The following SHROOM3 variants were observed in gnomAD, a reference collection of about 807,000 sequenced individuals.
SHROOM3 encodes protein Shroom3.
In SHROOM3, 47 loss-of-function variants were observed where a neutral mutation model predicts 138.6. The ratio of observed to expected loss-of-function variants is 0.34; its 90% confidence interval spans 0.27 to 0.43. The LOEUF is 0.43. Ranked by LOEUF, SHROOM3 falls within the 20% of genes least tolerant of loss-of-function variation. SHROOM3 has a pLI of 1.00. For missense variants in SHROOM3, 2,491 were observed against 2,596.5 expected (o/e 0.96, Z 0.88); for synonymous variants, 1,062 against 1,063.3 (o/e 1.00, Z 0.02).
At chr4:76,602,548 A>C (rs979280581) in intron 2 of SHROOM3, among the ~76,000 whole-genome samples, 2 of 152,198 alleles carry the variant, frequency 1.3e-5, no homozygotes, top group Non-Finnish European at 2.9e-5. Flanking sequence ...TACTAGTGGC[A>C]ATATATTGAT....
intron 4 of SHROOM3, among the ~76,000 whole-genome samples, chr4:76,737,077 T>C (rs964225433): frequency 6.6e-6 from 1 of 152,192 alleles, no homozygotes; most frequent in Non-Finnish European, 1.5e-5. Flanking sequence ...GCTCGCCCAT[T>C]CCTCCTTGCA....
Position 76,756,622 on chromosome 4 carries a change from TTGG to T in SHROOM3, c.4887_4889del (p.Gly1630del). On this transcript the variant is annotated inframe_deletion, in exon 8 of 11. Transcript: ENST00000296043. ...GTTCACGCCCAACTTGCTGGGTCTC[TTGG>T]TGGGCAGCCAGCACCCATCCAGACT... 1 of 1,613,992 alleles carries T rather than the reference TTGG, an allele frequency of 6.2e-7. No homozygotes were observed.
intron 2 of SHROOM3, among the ~76,000 whole-genome samples, chr4:76,560,619 T>C (rs1309078045): frequency 6.6e-6 from 1 of 152,240 alleles, no homozygotes; most frequent in Non-Finnish European, 1.5e-5. Flanking sequence ...GGAGGTGCTA[T>C]TTTTGCCAAA....
rs1178156091 is a variant in SHROOM3 at position 76,756,878 on chromosome 4, C to T, written c.5139C>T (p.Asn1713=). ...FPRDVNLLKE[N]SVKRKAIQRT... ...GAGATGTGAACTTGCTGAAGGAAAA[C>T]AGTGTAAAGAGGAAGGCCATACAGA... is the stretch of plus-strand genomic sequence containing the variant. The change falls in exon 8 of 11, where the codon AAC becomes AAT. Residue 1713 remains asparagine, a synonymous_variant. Transcript: ENST00000296043. The T allele has an allele frequency of 1.2e-6, 2 of 1,613,924 alleles. No homozygotes were observed. The highest frequency in any genetic ancestry group is 2.7e-5 in the African/African-American group (2 of 74,880).
intron 2 of SHROOM3, among the ~76,000 whole-genome samples, chr4:76,627,012 C>T (rs1735165288): frequency 6.6e-6 from 1 of 152,120 alleles, no homozygotes; most frequent in South Asian, 2.1e-4. Flanking sequence ...GGGAGTCTTC[C>T]TATGTCCAAA....
At chr4:76,489,977 C>A (rs1731816618) in intron 1 of SHROOM3, among the ~76,000 whole-genome samples, 1 of 152,174 alleles carries the variant, frequency 6.6e-6, no homozygotes, top group Admixed American at 6.5e-5. Context: ...GGCTGAGCAG[C>A]AGCTCAAGGG....
chr4:76,740,723 C>A lies in SHROOM3; in HGVS notation c.2550C>A (p.Asn850Lys), dbSNP rs377561640. 6.2e-7 allele frequency: 1 copy of A among 1,613,564 alleles called. No individual in the cohort carries two copies. Among genetic ancestry groups the A allele is most frequent in the South Asian group, 1.1e-5 (1 of 91,080 alleles). ...PLGNGEQHFKNGELKLEEASR... is the reference protein window; with the variant it reads ...PLGNGEQHFKKGELKLEEASR... Reference sequence around the variant, plus strand: ...GCAACGGGGAGCAGCACTTCAAAAACGGGGAGCTGAAGTTGGAAGAGGCTT... The same window carrying A: ...GCAACGGGGAGCAGCACTTCAAAAAAGGGGAGCTGAAGTTGGAAGAGGCTT... The change falls in exon 5 of 11, where the codon AAC (asparagine) becomes AAA (lysine). Residue 850 changes from asparagine to lysine, a missense_variant. Asn to Lys is a moderately conservative substitution (Grantham distance 94). Transcript: ENST00000296043. This position sits in a 1 kb window ranked among gnomAD's most constrained non-coding sequence, Gnocchi z 4.0.
intron 1 of SHROOM3, among the ~76,000 whole-genome samples, chr4:76,544,642 C>T (rs1248570259): frequency 1.3e-5 from 2 of 152,058 alleles, no homozygotes; most frequent in Non-Finnish European, 2.9e-5. Flanking sequence ...AGTGATCTGC[C>T]CACCTCAGCC....
chr4:76,489,084 C>A (rs1731796246), intron 1 of SHROOM3, among the ~76,000 whole-genome samples: 1 of 152,180 alleles, frequency 6.6e-6, no homozygotes, highest in South Asian at 2.1e-4. Flanking sequence ...TCCCTGCCAG[C>A]ACTTTGCCAA....
At chr4:76,635,003 C>T (rs1044984504) in intron 2 of SHROOM3, among the ~76,000 whole-genome samples, 12 of 152,164 alleles carry the variant, frequency 7.9e-5, no homozygotes, top group African/African-American at 2.7e-4. Flanking sequence ...TTATTGAGCA[C>T]CTACTGTGTG....
chr4:76,582,860 A>G (rs1184003784), intron 2 of SHROOM3, among the ~76,000 whole-genome samples: 2 of 152,136 alleles, frequency 1.3e-5, no homozygotes, highest in Non-Finnish European at 2.9e-5. Flanking sequence ...AGGGAAAGCA[A>G]TGTCCCCTCC....
chr4:76,601,156 TG>T (rs1305419620), intron 2 of SHROOM3, among the ~76,000 whole-genome samples: 1 of 152,196 alleles, frequency 6.6e-6, no homozygotes, highest in Non-Finnish European at 1.5e-5. Context: ...TAAAATTTGG[TG>T]ACAGTTAAAA....
At chr4:76,482,632 A>G (rs1235573713) in intron 1 of SHROOM3, among the ~76,000 whole-genome samples, 1 of 152,244 alleles carries the variant, frequency 6.6e-6, no homozygotes, top group African/African-American at 2.4e-5. Context: ...CTTTATTCAC[A>G]GAACTAGAAA....
At chr4:76,628,370 G>T (rs954885724) in intron 2 of SHROOM3, among the ~76,000 whole-genome samples, 1 of 152,118 alleles carries the variant, frequency 6.6e-6, no homozygotes, top group Non-Finnish European at 1.5e-5. Context: ...ATCATTATTT[G>T]TCTCTGTGGT....
chr4:76,745,971 ACT>A (rs1315508699), intron 5 of SHROOM3, among the ~76,000 whole-genome samples: 2 of 152,170 alleles, frequency 1.3e-5, no homozygotes, highest in Non-Finnish European at 2.9e-5. Context: ...ACAGAGCAAG[ACT>A]CTGTCTCAAA....
chr4:76,625,211 A>G (rs1162100687), intron 2 of SHROOM3, among the ~76,000 whole-genome samples: 1 of 152,178 alleles, frequency 6.6e-6, no homozygotes, highest in African/African-American at 2.4e-5. Context: ...ATCAGCCCCA[A>G]AGTAAATTCT....
chr4:76,528,049 C>T (rs1732738054), intron 1 of SHROOM3, among the ~76,000 whole-genome samples: 1 of 152,162 alleles, frequency 6.6e-6, no homozygotes, highest in Non-Finnish European at 1.5e-5. Context: ...TGATTAAAAT[C>T]CTTTAAGAGA....
intron 2 of SHROOM3, among the ~76,000 whole-genome samples, chr4:76,677,507 C>T (rs966553576): frequency 1.3e-5 from 2 of 152,126 alleles, no homozygotes; most frequent in African/African-American, 2.4e-5. Context: ...AATAACCAGG[C>T]GAGGTGAATG....
chr4:76,440,788 T>C (rs1315569071), intron 1 of SHROOM3, among the ~76,000 whole-genome samples: 7 of 152,188 alleles, frequency 4.6e-5, no homozygotes, highest in African/African-American at 1.4e-4. Context: ...ATATTTCTGA[T>C]TTCTACTCCC....
Sources: gnomAD v4.1 joint callset for allele counts (sites outside exome capture counted in the v4.1 genomes callset) on GRCh38, gnomAD v4.1.1 for gene constraint, Gnocchi (gnomAD v3.1) non-coding constraint, MANE v1.5 for transcripts, NCBI Gene and HGNC (gene_info 2026-07-23, HGNC 2026-07-21) for gene names.